FRMD4A: variants seen among roughly 807,000 people sequenced by gnomAD.
FRMD4A encodes FERM domain containing 4A.
Under a neutral mutation model 129.1 loss-of-function variants are expected in FRMD4A, and 29 were observed. The ratio of observed to expected loss-of-function variants is 0.22; its 90% CI spans 0.17 to 0.31. The LOEUF (loss-of-function observed/expected upper bound fraction) is 0.31. Ranked by LOEUF, FRMD4A falls within the 10% of genes least tolerant of loss-of-function variation. The pLI, the probability that FRMD4A is intolerant of heterozygous loss-of-function variation, is 1.00. For missense variants in FRMD4A, 1,272 were observed against 1,375.8 expected, an observed-to-expected ratio of 0.92 and a Z score of 1.19; for synonymous variants, 634 against 571.6, an observed-to-expected ratio of 1.11 and a Z score of -1.56.
intron 2 of FRMD4A, among the ~76,000 whole-genome samples, chr10:14,034,208 C>A (rs1037967128): frequency 6.6e-6 from 1 of 152,156 alleles, no homozygotes; most frequent in Non-Finnish European, 1.5e-5. Context: ...GTTCATTAAG[C>A]GCATTTGTTG....
At chr10:14,001,796 G>A (rs1055675671) in intron 2 of FRMD4A, among the ~76,000 whole-genome samples, 3 of 152,330 alleles carry the variant, frequency 2.0e-5, no homozygotes, top group African/African-American at 4.8e-5. Context: ...GGATGAGGGG[G>A]CTGGCTAATA....
intron 2 of FRMD4A, among the ~76,000 whole-genome samples, chr10:14,315,112 C>T (rs116216394): frequency 9.4e-4 from 143 of 151,988 alleles, no homozygotes; most frequent in African/African-American, 3.0e-3. Flanking sequence ...GCCTTTTTTA[C>T]GGACTCTCCT....
intron 5 of FRMD4A, among the ~76,000 whole-genome samples, chr10:13,783,658 G>A (rs1315025203): frequency 6.6e-6 from 1 of 151,890 alleles, no homozygotes; most frequent in Non-Finnish European, 1.5e-5. Context: ...GTGAGCCACT[G>A]TGCCCAGCCA....
chr10:13,970,702 C>T (rs1189026033), intron 2 of FRMD4A, among the ~76,000 whole-genome samples: 2 of 152,146 alleles, frequency 1.3e-5, no homozygotes, highest in African/African-American at 2.4e-5. Context: ...ATGCTGCCTG[C>T]GCCCCCCACT....
rs145677964 is a variant in FRMD4A at position 13,693,977 on chromosome 10, C to T, written c.1038G>A (p.Thr346=). Residue 346 remains threonine (T), a synonymous_variant, in exon 15 of 25, where the codon ACG becomes ACA. Coordinates refer to ENST00000357447, the MANE Select transcript of FRMD4A (RefSeq NM_018027.5). ...TGTTGGCCAGCTTCGAGGTCTTCAG[C>T]GTCCCCGTCTCGGTCAGGTCGATGG... ...EIAIDLTETG[T]LKTSKLANMG... is the part of the protein sequence containing the mutation. 3.1e-5 allele frequency: 49 copies of T among 1,566,040 alleles called. No individual in the cohort carries two copies. In the African/African-American group the frequency reaches 4.3e-4, roughly 14 times the overall value.
chr10:13,654,135 C>A (rs566648912), intron 23 of FRMD4A: 3 of 529,430 alleles, frequency 5.7e-6, no homozygotes, highest in South Asian at 5.9e-5. Flanking sequence ...GGAAATCTTA[C>A]CAAAGAAGCA....
In FRMD4A at chr10:14,322,441, A is replaced by C. The variant is rs1475862142; in HGVS notation, c.45+7617T>G. Among the ~76,000 whole-genome samples, 3 of 152,210 alleles carry C rather than the reference A, an allele frequency of 2.0e-5. No individual in the cohort carries two copies. In the East Asian group the frequency reaches 5.8e-4, roughly 29 times the overall value. On this transcript the variant is annotated intron_variant, in intron 2 of 24. Coordinates refer to ENST00000357447, the MANE Select transcript of FRMD4A (RefSeq NM_018027.5). ...ACAAGCAGGAGAATAAATCTGATAA[A>C]GCATTTGGACTTGCAGTTACTAGGA... is the stretch of plus-strand genomic sequence containing the variant.
intron 2 of FRMD4A, among the ~76,000 whole-genome samples, chr10:14,199,627 T>C (rs1842574619): frequency 6.6e-6 from 1 of 152,188 alleles, no homozygotes; most frequent in Non-Finnish European, 1.5e-5. Context: ...CGACCTCAGG[T>C]GATCCACCTG....
chr10:13,895,129 G>A (rs1486983310), intron 2 of FRMD4A, among the ~76,000 whole-genome samples: 2 of 152,198 alleles, frequency 1.3e-5, no homozygotes, highest in Non-Finnish European at 2.9e-5. Flanking sequence ...GTGCAGGTTT[G>A]TTGCATAGGT....
At chr10:14,220,989 C>T (rs1194132040) in intron 2 of FRMD4A, among the ~76,000 whole-genome samples, 1 of 151,810 alleles carries the variant, frequency 6.6e-6, no homozygotes, top group Non-Finnish European at 1.5e-5. Context: ...GGGCAGGAAC[C>T]CTACCATAAT....
At chr10:14,035,219 C>A (rs1023236255) in intron 2 of FRMD4A, among the ~76,000 whole-genome samples, 1 of 151,724 alleles carries the variant, frequency 6.6e-6, no homozygotes, top group Non-Finnish European at 1.5e-5. Flanking sequence ...TTGAGACCAC[C>A]CTGGCCAACA....
At chr10:14,233,135 A>C (rs1453239128) in intron 2 of FRMD4A, among the ~76,000 whole-genome samples, 1 of 152,246 alleles carries the variant, frequency 6.6e-6, no homozygotes, top group Non-Finnish European at 1.5e-5. Context: ...TTGTGAATGC[A>C]TATGAAAGTA....
intron 2 of FRMD4A, among the ~76,000 whole-genome samples, chr10:14,188,803 G>A (rs1268514280): frequency 1.3e-5 from 2 of 152,240 alleles, no homozygotes; most frequent in Non-Finnish European, 2.9e-5. Flanking sequence ...TAACTTGGGA[G>A]GCTGGGGTGG....
chr10:13,983,319 A>G lies in FRMD4A; in HGVS notation c.46-124407T>C, dbSNP rs570772099. 2.0e-5 allele frequency among the ~76,000 whole-genome samples: 3 copies of G among 152,122 alleles called. No individual in the cohort carries two copies. In the East Asian group the frequency reaches 5.8e-4, roughly 29 times the overall value. ...GTTCATCCTCCCCTGAGCCGAGGCA[A>G]CCGTGAAATTGACAAGCCAGGAGCT... On this transcript the variant is annotated intron_variant, in intron 2 of 24. Coordinates refer to ENST00000357447, the MANE Select transcript of FRMD4A (RefSeq NM_018027.5).
chr10:13,785,778 C>A (rs1051769065), intron 5 of FRMD4A, among the ~76,000 whole-genome samples: 5 of 151,862 alleles, frequency 3.3e-5, no homozygotes, highest in Non-Finnish European at 5.9e-5. Context: ...CCCTACCCCC[C>A]ACCCCACGAC....
intron 9 of FRMD4A, among the ~76,000 whole-genome samples, chr10:13,746,674 G>C (rs1187931686): frequency 6.6e-6 from 1 of 152,202 alleles, no homozygotes; most frequent in African/African-American, 2.4e-5. Flanking sequence ...TAGTTTATTA[G>C]AATCAACTTG....
intron 2 of FRMD4A, among the ~76,000 whole-genome samples, chr10:13,878,063 G>A (rs551351375): frequency 8.5e-5 from 13 of 152,250 alleles, no homozygotes; most frequent in African/African-American, 2.9e-4. Flanking sequence ...CCCGGCAAAC[G>A]AGAGTCTAAA....
At chr10:14,278,937 G>T (rs1055090238) in intron 2 of FRMD4A, among the ~76,000 whole-genome samples, 1 of 152,182 alleles carries the variant, frequency 6.6e-6, no homozygotes, top group Admixed American at 6.5e-5. Flanking sequence ...CGGCACGGTT[G>T]TAACTGCCTC....
intron 2 of FRMD4A, among the ~76,000 whole-genome samples, chr10:14,005,411 G>T (rs1211761880): frequency 2.6e-5 from 4 of 152,178 alleles, no homozygotes; most frequent in Admixed American, 2.6e-4. Context: ...AACTAAGCCT[G>T]GTCTCTCAGG....
Sources: allele counts gnomAD v4.1 joint callset (sites outside exome capture counted in the v4.1 genomes callset), GRCh38; gene constraint gnomAD v4.1.1; transcripts MANE v1.5; gene names NCBI Gene and HGNC (gene_info 2026-07-23, HGNC 2026-07-21).